Variants in NOTCH2 observed in about 807,000 individuals in gnomAD.
The protein encoded by NOTCH2 is notch receptor 2, also known as neurogenic locus notch homolog protein 2.
In NOTCH2, 29 loss-of-function variants were observed where a neutral mutation model predicts 235.8. The observed-to-expected ratio is 0.12, with a 90% confidence interval of 0.09 to 0.17. The LOEUF (loss-of-function observed/expected upper bound fraction) is 0.17, where lower values mean the gene tolerates loss of function less well. Ranked by LOEUF, NOTCH2 falls within the 10% of genes least tolerant of loss-of-function variation. The pLI, the probability that NOTCH2 is intolerant of heterozygous loss-of-function variation, is 1.00. For missense variants in NOTCH2, 2,285 were observed against 3,150.2 expected, an observed-to-expected ratio of 0.73 and a Z score of 6.57; for synonymous variants, 1,086 against 1,141.5, an observed-to-expected ratio of 0.95 and a Z score of 0.98.
At chr1:120,047,454 G>A (rs587655611) in intron 1 of NOTCH2, among the ~76,000 whole-genome samples, 42 of 84,002 alleles carry the variant, frequency 5.0e-4, no homozygotes, top group African/African-American at 2.1e-3. Context: ...GCTGAGGCAG[G>A]TGGATCATTT....
intron 1 of NOTCH2, chr1:120,069,130 C>T (rs1372451225): frequency 1.5e-5 from 23 of 1,525,604 alleles, no homozygotes; most frequent in Admixed American, 2.0e-5. Flanking sequence ...GGAGCAGAGG[C>T]GGCGGGGAAC....
intron 26 of NOTCH2, 107 bp from the exon 27 acceptor site, chr1:119,922,885 C>T: frequency 7.2e-7 from 1 of 1,391,960 alleles, no homozygotes; most frequent in East Asian, 2.3e-5. Context: ...TCCCTTCCTC[C>T]CCTTCAGCAT....
At chr1:119,964,811 GA>G (rs1651074859) in intron 10 of NOTCH2, among the ~76,000 whole-genome samples, 1 of 152,134 alleles carries the variant, frequency 6.6e-6, no homozygotes, top group Non-Finnish European at 1.5e-5. Flanking sequence ...TGTGTAAAAG[GA>G]AATGTGTAAT....
At chr1:119,954,363 T>C (rs1553198167) in intron 13 of NOTCH2, among the ~76,000 whole-genome samples, 4 of 152,210 alleles carry the variant, frequency 2.6e-5, no homozygotes. Flanking sequence ...GAAACACCAA[T>C]ACTGAGTTAA....
At chr1:120,024,769 A>G (rs1553209617) in intron 2 of NOTCH2, among the ~76,000 whole-genome samples, 2 of 152,246 alleles carry the variant, frequency 1.3e-5, no homozygotes, top group African/African-American at 4.8e-5. Context: ...GCTGTTTTAC[A>G]AACACTACGT....
Position 119,941,040 on chromosome 1 carries a change from T to G in NOTCH2, c.2982-284A>C, listed in dbSNP as rs140340784. Among the ~76,000 whole-genome samples, 270 of 152,366 alleles carry G rather than the reference T, an allele frequency of 1.8e-3. 2 individuals carry two copies. The highest frequency in any genetic ancestry group is 6.3e-3 in the African/African-American group (263 of 41,592). On this transcript the variant is annotated intron_variant, in intron 18 of 33. Transcript: ENST00000256646. The stretch of plus-strand genomic sequence containing the variant: ...ACCCAGTCCTTCTGTAGTTTTCCCA[T>G]GTATCACATTTCATTTTATCTCTAA...
In NOTCH2 at chr1:119,963,709, T is replaced by G; in HGVS notation, c.1780A>C (p.Ile594Leu). 1 of 1,614,154 alleles carries G rather than the reference T, an allele frequency of 6.2e-7. No individual in the cohort carries two copies. ...CQDGIDSYTCICNPGYMGAIC... is the reference protein window; with the variant it reads ...CQDGIDSYTCLCNPGYMGAIC... ...GCGCCCATGTACCCGGGATTGCAGA[T>G]GCAGGTGTAGGAATCAATACCATCC... The change falls in exon 11 of 34, where the codon ATC (isoleucine) becomes CTC (leucine). Residue 594 changes from isoleucine to leucine, a missense_variant. By Grantham distance (5) the Ile-to-Leu change is conservative. This residue lies in a region of NOTCH2 where 431 missense variants were observed against 757.8 expected (regional missense o/e 0.57). Transcript: ENST00000256646.
At chr1:119,937,222 C>G in intron 21 of NOTCH2, 60 bp downstream of exon 21, 1 of 1,534,594 alleles carries the variant, frequency 6.5e-7, no homozygotes, top group Non-Finnish European at 9.0e-7. Flanking sequence ...TATATCAGTG[C>G]TCAAACAGTT....
intron 13 of NOTCH2, 37 bp from the exon 14 acceptor site, chr1:119,953,725 A>C (rs1553198106): frequency 6.3e-7 from 1 of 1,585,356 alleles, no homozygotes; most frequent in African/African-American, 1.3e-5. Context: ...TAGGAGGTAT[A>C]AACGTATGAT....
intron 23 of NOTCH2, among the ~76,000 whole-genome samples, chr1:119,927,224 G>A (rs1649505421): frequency 6.6e-6 from 1 of 152,210 alleles, no homozygotes; most frequent in South Asian, 2.1e-4. Context: ...GAGGCAACTG[G>A]AACCACAGAG....
chr1:120,033,742 A>G (rs1654193068), intron 1 of NOTCH2, among the ~76,000 whole-genome samples: 1 of 151,866 alleles, frequency 6.6e-6, no homozygotes, highest in Admixed American at 6.6e-5. Context: ...TGGTGAATAT[A>G]GTTAATAATA....
rs376651570 is a variant in NOTCH2 at position 119,922,691 on chromosome 1, G to A, written c.4947C>T (p.Leu1649=). Residue 1649 remains leucine (L), a synonymous_variant, in exon 27 of 34, where the codon CTC becomes CTT. Coordinates refer to ENST00000256646, the MANE Select transcript of NOTCH2 (RefSeq NM_024408.4). ...CFKNTDAAAA[L]LASHAIQGTL... Reference sequence around the variant, plus strand: ...TCCCCTGTATGGCGTGAGAGGCCAGGAGAGCTGCTGCTGCATCCGTGTTCT... The same window carrying A: ...TCCCCTGTATGGCGTGAGAGGCCAGAAGAGCTGCTGCTGCATCCGTGTTCT... 3 of 1,614,066 alleles carry A rather than the reference G, an allele frequency of 1.9e-6. No homozygotes were observed. Among genetic ancestry groups the A allele is most frequent in the Non-Finnish European group, 2.5e-6 (3 of 1,180,044 alleles).
chr1:119,953,495 AACAAG>A (rs782136465), intron 14 of NOTCH2, 43 bp downstream of exon 14: 2 of 1,605,244 alleles, frequency 1.2e-6, no homozygotes, highest in Non-Finnish European at 1.7e-6. Context: ...AGTATGCAAC[AACAAG>A]AAGACAAAGA....
At position 119,912,000 on chromosome 1, in the gene NOTCH2, G is replaced by C. The variant is rs1301499868; in HGVS notation, c.*3306C>G. 1.3e-5 allele frequency: 3 copies of C among 233,524 alleles called. No individual in the cohort carries two copies. The highest frequency in any genetic ancestry group is 6.6e-5 in the African/African-American group (3 of 45,434). 14.5% of individuals were successfully genotyped at this position (233,524 alleles called of 1,614,324 possible). Reference sequence around the variant, plus strand: ...CTCTCAGCAAATTATGACATCATGAGGTAACACTGCCAGGCCATGGATGCA... The same window carrying C: ...CTCTCAGCAAATTATGACATCATGACGTAACACTGCCAGGCCATGGATGCA... On this transcript the variant is annotated 3_prime_UTR_variant, in exon 34 of 34. Coordinates refer to ENST00000256646, the MANE Select transcript of NOTCH2 (RefSeq NM_024408.4).
At chr1:120,028,774 C>G (rs373081) in intron 2 of NOTCH2, among the ~76,000 whole-genome samples, 13,578 of 125,516 alleles carry the variant, frequency 0.11, 715 homozygotes, top group African/African-American at 0.21. Flanking sequence ...AAGCAAAGAA[C>G]AACTACTCCT....
chr1:119,963,898 C>T (rs1330921892), intron 10 of NOTCH2, 91 bp from the exon 11 acceptor site: 23 of 1,098,842 alleles, frequency 2.1e-5, no homozygotes, highest in Non-Finnish European at 2.9e-5. Context: ...TTACTCTACA[C>T]ATTCGATGTG....
intron 18 of NOTCH2, among the ~76,000 whole-genome samples, chr1:119,941,151 A>G (rs1164467069): frequency 6.6e-6 from 1 of 152,260 alleles, no homozygotes; most frequent in African/African-American, 2.4e-5. Flanking sequence ...AATATTATAA[A>G]AAGAAATGAA....
intron 2 of NOTCH2, among the ~76,000 whole-genome samples, chr1:120,027,508 T>A (rs1424981975): frequency 6.7e-6 from 1 of 149,688 alleles, no homozygotes; most frequent in Admixed American, 6.6e-5. Flanking sequence ...GTGCAGAATG[T>A]GCAGGTTTGT....
chr1:119,986,985 G>C lies in NOTCH2; in HGVS notation c.849C>G (p.Asn283Lys). 6.2e-7 allele frequency: 1 copy of C among 1,613,694 alleles called. No individual in the cohort carries two copies. Among genetic ancestry groups the C allele is most frequent in the Non-Finnish European group, 8.5e-7 (1 of 1,179,660 alleles). The change falls in exon 5 of 34, where the codon AAC becomes AAG. Residue 283 changes from asparagine to lysine, a missense_variant. Physicochemically the swap from Asn to Lys is moderately conservative, Grantham distance 94. This residue lies in a region of NOTCH2 where 431 missense variants were observed against 757.8 expected (regional missense o/e 0.57). Coordinates refer to ENST00000256646, the MANE Select transcript of NOTCH2 (RefSeq NM_024408.4). ...GVCVDGVNTYNCRCPPQWTGQ... is the reference protein window; with the variant it reads ...GVCVDGVNTYKCRCPPQWTGQ... ...CTGTCCATTGTGGGGGACAGCGGCAGTTGTAAGTGTTGACCCCATCCACAC... is the reference window on the plus strand; with the variant it reads ...CTGTCCATTGTGGGGGACAGCGGCACTTGTAAGTGTTGACCCCATCCACAC...
Sources: gnomAD v4.1 joint callset for allele counts (sites outside exome capture counted in the v4.1 genomes callset) on GRCh38, gnomAD v4.1.1 for gene constraint, gnomAD v4.1.1 regional missense constraint, MANE v1.5 for transcripts, NCBI Gene and HGNC (gene_info 2026-07-23, HGNC 2026-07-21) for gene names.